NKAIN3: variants seen among roughly 807,000 people sequenced by gnomAD.
The protein encoded by NKAIN3 is sodium/potassium transporting ATPase interacting 3.
Under a neutral mutation model 30.2 loss-of-function variants are expected in NKAIN3, and 25 were observed. The observed-to-expected ratio is 0.83, with a 90% CI of 0.60 to 1.16. The LOEUF (loss-of-function observed/expected upper bound fraction) is 1.16. Among genes scored for constraint, NKAIN3 ranks in the 50% most tolerant of loss-of-function variants. The pLI, the probability that NKAIN3 is intolerant of heterozygous loss-of-function variation, is 0.00. For missense variants in NKAIN3, 225 were observed against 254.1 expected (o/e 0.89, Z 0.78); for synonymous variants, 91 against 89.6 (o/e 1.02, Z -0.09).
chr8:62,626,371 A>C (rs191251908), intron 3 of NKAIN3, among the ~76,000 whole-genome samples: 1 of 152,276 alleles, frequency 6.6e-6, no homozygotes, highest in East Asian at 1.9e-4. Context: ...AGATCAGTGA[A>C]GAATCCAGAG....
chr8:62,939,320 A>G (rs567499948), intron 5 of NKAIN3, among the ~76,000 whole-genome samples: 1 of 152,198 alleles, frequency 6.6e-6, no homozygotes, highest in Non-Finnish European at 1.5e-5. Flanking sequence ...AAAAGTTTGG[A>G]AAACACATTT....
At position 62,502,041 on chromosome 8, in the gene NKAIN3, C is replaced by T. The variant is rs114186582; in HGVS notation, c.55-77498C>T. Among the ~76,000 whole-genome samples, 828 of 152,262 alleles carry T rather than the reference C, an allele frequency of 5.4e-3. 9 individuals are homozygous for T. Among genetic ancestry groups the T allele is most frequent in the African/African-American group, 0.019 (784 of 41,544 alleles). ...GCTGCCCACCATGTGGCAACTCATG[C>T]TGTCATAGCAGATGGTCATCAAAGG... On this transcript the variant is annotated intron_variant, in intron 1 of 6. Coordinates refer to ENST00000623646, the MANE Select transcript of NKAIN3 (RefSeq NM_001304533.3).
intron 5 of NKAIN3, among the ~76,000 whole-genome samples, chr8:62,939,171 A>G (rs1000427492): frequency 2.6e-5 from 4 of 152,220 alleles, no homozygotes; most frequent in African/African-American, 9.6e-5. Context: ...CTCAAAAACA[A>G]GGCTTTTGCA....
At position 62,509,620 on chromosome 8, in the gene NKAIN3, G is replaced by A. The variant is rs73683321; in HGVS notation, c.55-69919G>A. Among the ~76,000 whole-genome samples, 1,236 of 152,164 alleles carry A rather than the reference G, an allele frequency of 8.1e-3. 23 individuals carry two copies. The highest frequency in any genetic ancestry group is 0.029 in the African/African-American group (1,191 of 41,528). ...TGATCACTAAATTGCCATGAGACACGGGCCCACAATTCCAGGAATGTGCCA... is the reference window on the plus strand; with the variant it reads ...TGATCACTAAATTGCCATGAGACACAGGCCCACAATTCCAGGAATGTGCCA... On this transcript the variant is annotated intron_variant, in intron 1 of 6. Transcript: ENST00000623646.
At chr8:62,995,559 A>ATC (rs1804092721) in intron 5 of NKAIN3, among the ~76,000 whole-genome samples, 1 of 152,152 alleles carries the variant, frequency 6.6e-6, no homozygotes, top group South Asian at 2.1e-4. Flanking sequence ...AGCTAAACTG[A>ATC]TCTATATCAT....
chr8:62,844,473 T>C (rs983503756), intron 4 of NKAIN3, among the ~76,000 whole-genome samples: 2 of 152,190 alleles, frequency 1.3e-5, no homozygotes, highest in African/African-American at 4.8e-5. Flanking sequence ...TTAATTAAGC[T>C]GTAGGTTATC....
intron 3 of NKAIN3, among the ~76,000 whole-genome samples, chr8:62,689,159 A>T (rs1813885860): frequency 6.6e-6 from 1 of 152,210 alleles, no homozygotes; most frequent in African/African-American, 2.4e-5. Flanking sequence ...AATTCATTAT[A>T]TCTAGATTGA....
At chr8:62,867,565 T>C (rs1210727639) in intron 4 of NKAIN3, among the ~76,000 whole-genome samples, 3 of 152,198 alleles carry the variant, frequency 2.0e-5, no homozygotes, top group Non-Finnish European at 4.4e-5. Flanking sequence ...AAAAGACTTA[T>C]GCAAGAGGAA....
intron 4 of NKAIN3, among the ~76,000 whole-genome samples, chr8:62,774,507 AT>A (rs1268682625): frequency 6.6e-6 from 1 of 152,120 alleles, no homozygotes; most frequent in East Asian, 1.9e-4. Context: ...AAAGCTTTCA[AT>A]TTTTGCCCAT....
At chr8:62,995,588 T>C (rs1026190041) in intron 5 of NKAIN3, among the ~76,000 whole-genome samples, 3 of 151,784 alleles carry the variant, frequency 2.0e-5, no homozygotes, top group East Asian at 1.9e-4. Context: ...TAGAGATATG[T>C]GGTAGAAGGA....
intron 1 of NKAIN3, among the ~76,000 whole-genome samples, chr8:62,318,120 A>C (rs987893653): frequency 1.3e-5 from 2 of 152,144 alleles, no homozygotes; most frequent in Non-Finnish European, 2.9e-5. Flanking sequence ...TTTTTTGCAC[A>C]TTGATTTTGT....
chr8:62,413,119 A>G (rs898041096), intron 1 of NKAIN3, among the ~76,000 whole-genome samples: 5 of 152,092 alleles, frequency 3.3e-5, no homozygotes, highest in African/African-American at 9.7e-5. Context: ...AGTCAAAATG[A>G]CTATCATTAA....
intron 4 of NKAIN3, among the ~76,000 whole-genome samples, chr8:62,823,676 G>A (rs1252663893): frequency 6.6e-6 from 1 of 152,170 alleles, no homozygotes; most frequent in Non-Finnish European, 1.5e-5. Flanking sequence ...TGCAGCTCAA[G>A]TGTAGGAGTA....
intron 1 of NKAIN3, among the ~76,000 whole-genome samples, chr8:62,365,123 C>T (rs983434627): frequency 1.3e-5 from 2 of 152,020 alleles, no homozygotes; most frequent in African/African-American, 4.8e-5. Context: ...TTACAACTTA[C>T]TTCATTTTAA....
At chr8:62,629,468 C>T (rs756928425) in intron 3 of NKAIN3, among the ~76,000 whole-genome samples, 1 of 152,012 alleles carries the variant, frequency 6.6e-6, no homozygotes, top group Non-Finnish European at 1.5e-5. Context: ...ATGCTCTTGC[C>T]TTCATGAAGT....
intron 6 of NKAIN3, among the ~76,000 whole-genome samples, chr8:62,961,304 C>T (rs1033593969): frequency 3.3e-5 from 5 of 150,970 alleles, no homozygotes; most frequent in Admixed American, 6.6e-5. Context: ...AGTGGGTCAA[C>T]GAGACATTTT....
intron 1 of NKAIN3, among the ~76,000 whole-genome samples, chr8:62,492,155 G>A (rs965766031): frequency 1.3e-5 from 2 of 152,088 alleles, no homozygotes; most frequent in African/African-American, 4.8e-5. Flanking sequence ...ATTTAGTTAA[G>A]AAGGAAAGAA....
intron 1 of NKAIN3, among the ~76,000 whole-genome samples, chr8:62,333,430 G>A (rs2129590179): frequency 6.6e-6 from 1 of 152,100 alleles, no homozygotes; most frequent in Non-Finnish European, 1.5e-5. Context: ...ATAGTAATAG[G>A]GCAATAATTC....
chr8:62,802,998 A>C (rs889361242), intron 4 of NKAIN3, among the ~76,000 whole-genome samples: 4 of 152,198 alleles, frequency 2.6e-5, no homozygotes, highest in Admixed American at 6.5e-5. Context: ...TAAACCAACA[A>C]GATCAAAAGA....
Sources: gnomAD v4.1 joint callset for allele counts (sites outside exome capture counted in the v4.1 genomes callset) on GRCh38, gnomAD v4.1.1 for gene constraint, MANE v1.5 for transcripts, NCBI Gene and HGNC (gene_info 2026-07-23, HGNC 2026-07-21) for gene names.